The following PRR16 variants were observed in gnomAD, a reference collection of about 807,000 sequenced individuals.
PRR16 encodes protein Largen.
In PRR16, 6 loss-of-function variants were observed where a neutral mutation model predicts 18.2. That is an observed-to-expected ratio of 0.33 (90% CI 0.18 to 0.65). The LOEUF (loss-of-function observed/expected upper bound fraction) is 0.65, where lower values mean the gene tolerates loss of function less well. Ranked by LOEUF, PRR16 falls within the 30% of genes least tolerant of loss-of-function variation. The probability of loss-of-function intolerance (pLI) is 0.74; values close to 1 mark genes in which losing one functional copy is unlikely to be tolerated. For missense variants in PRR16, 412 were observed against 376.6 expected (o/e 1.09, Z -0.78); for synonymous variants, 151 against 147.8 (o/e 1.02, Z -0.16).
rs140073641 is a variant in PRR16 at position 120,518,376 on chromosome 5, T to A, written c.159+53731T>A. ...TCTGTAGGAGACAAATTATGATAACTGTGGGGTCCTTGAGAGGGAATTCTT... is the reference window on the plus strand; with the variant it reads ...TCTGTAGGAGACAAATTATGATAACAGTGGGGTCCTTGAGAGGGAATTCTT... On this transcript the variant is annotated intron_variant, in intron 1 of 1. Transcript: ENST00000407149. 5.9e-3 allele frequency among the ~76,000 whole-genome samples: 905 copies of A among 152,238 alleles called. 12 individuals carry two copies. The highest frequency in any genetic ancestry group is 0.02 in the African/African-American group (818 of 41,562).
At chr5:120,529,362 G>T (rs1054956297) in intron 1 of PRR16, among the ~76,000 whole-genome samples, 1 of 152,056 alleles carries the variant, frequency 6.6e-6, no homozygotes, top group Non-Finnish European at 1.5e-5. Flanking sequence ...TTCTGATAGT[G>T]TTCAACAATG....
chr5:120,564,078 A>G (rs570932895), intron 1 of PRR16, among the ~76,000 whole-genome samples: 2 of 150,104 alleles, frequency 1.3e-5, no homozygotes, highest in South Asian at 4.3e-4. Context: ...GAGCCCTACG[A>G]CTCTGTTTAG....
chr5:120,757,777 T>G, the PRR16 span, among the ~76,000 whole-genome samples: 1 of 151,962 alleles, frequency 6.6e-6, no homozygotes, highest in Non-Finnish European at 1.5e-5. Flanking sequence ...TATAAATCTC[T>G]TACTGCTTTT....
At chr5:120,792,930 A>T in the PRR16 span, among the ~76,000 whole-genome samples, 1 of 149,012 alleles carries the variant, frequency 6.7e-6, no homozygotes, top group Non-Finnish European at 1.5e-5. Context: ...GGCCAGGGGG[A>T]TCACTTGAGC....
At chr5:120,519,495 G>C (rs1310267549) in intron 1 of PRR16, among the ~76,000 whole-genome samples, 4 of 152,064 alleles carry the variant, frequency 2.6e-5, no homozygotes, top group African/African-American at 9.7e-5. Flanking sequence ...ATAAGTAATT[G>C]TTTTTCTATC....
At chr5:120,632,375 C>T (rs759394166) in intron 1 of PRR16, among the ~76,000 whole-genome samples, 2 of 152,062 alleles carry the variant, frequency 1.3e-5, no homozygotes, top group African/African-American at 2.4e-5. Flanking sequence ...CAAGCCAAGA[C>T]AAAAACCTCT....
chr5:120,556,020 G>A (rs948535692), intron 1 of PRR16, among the ~76,000 whole-genome samples: 9 of 151,478 alleles, frequency 5.9e-5, no homozygotes, highest in African/African-American at 2.2e-4. Flanking sequence ...CTTTTCACCT[G>A]TACCATACTG....
chr5:120,717,883 T>C, the PRR16 span, among the ~76,000 whole-genome samples: 1 of 152,186 alleles, frequency 6.6e-6, no homozygotes, highest in East Asian at 1.9e-4. Flanking sequence ...TAAATAGAAA[T>C]ACTTAGTGAG....
chr5:120,754,193 A>AATATAAATATATAAGATCTAC, the PRR16 span, among the ~76,000 whole-genome samples: 1 of 103,970 alleles, frequency 9.6e-6, no homozygotes, highest in Non-Finnish European at 1.8e-5. Flanking sequence ...ATAATATATA[A>AATATAAATATATAAGATCTAC]TTATATATTA....
chr5:120,662,831 G>A, intron 1 of PRR16, among the ~76,000 whole-genome samples: 1 of 152,092 alleles, frequency 6.6e-6, no homozygotes, highest in Non-Finnish European at 1.5e-5. Context: ...ATAGCTTGAA[G>A]GCCTGGGGAC....
chr5:120,709,465 C>T, the PRR16 span, among the ~76,000 whole-genome samples: 6 of 152,082 alleles, frequency 3.9e-5, no homozygotes, highest in African/African-American at 1.4e-4. Flanking sequence ...CTCATCATCT[C>T]AAATATTTAT....
At chr5:120,667,034 G>T (rs907205858) in intron 1 of PRR16, among the ~76,000 whole-genome samples, 2 of 151,168 alleles carry the variant, frequency 1.3e-5, no homozygotes, top group African/African-American at 4.9e-5. Context: ...AGAAGGAATG[G>T]TACCAGCTCC....
chr5:120,472,917 G>C (rs758545986), intron 1 of PRR16, among the ~76,000 whole-genome samples: 1 of 152,144 alleles, frequency 6.6e-6, no homozygotes, highest in Non-Finnish European at 1.5e-5. Flanking sequence ...TGGACAAAAA[G>C]TTTTCAGAAC....
chr5:120,474,956 A>G (rs1459743495), intron 1 of PRR16, among the ~76,000 whole-genome samples: 1 of 152,112 alleles, frequency 6.6e-6, no homozygotes, highest in Non-Finnish European at 1.5e-5. Context: ...TGCTTCTGCC[A>G]TTTTCATTTC....
the PRR16 span, among the ~76,000 whole-genome samples, chr5:120,698,066 AAAAC>A: frequency 6.6e-6 from 1 of 152,172 alleles, no homozygotes; most frequent in Non-Finnish European, 1.5e-5. Context: ...TAAGAAAAAT[AAAAC>A]AAAATAGTGT....
chr5:120,775,089 A>ATATTGT, the PRR16 span, among the ~76,000 whole-genome samples: 22 of 152,272 alleles, frequency 1.4e-4, no homozygotes, highest in African/African-American at 4.8e-4. Flanking sequence ...TCCCAATTGA[A>ATATTGT]TCCTTTTTAT....
the PRR16 span, among the ~76,000 whole-genome samples, chr5:120,710,100 T>C: frequency 6.6e-6 from 1 of 152,212 alleles, no homozygotes; most frequent in Non-Finnish European, 1.5e-5. Context: ...CAACAGTGTA[T>C]GAGCTTTCCC....
chr5:120,699,705 A>T, the PRR16 span, among the ~76,000 whole-genome samples: 2 of 152,184 alleles, frequency 1.3e-5, no homozygotes, highest in African/African-American at 4.8e-5. Flanking sequence ...AGGCTAAAAC[A>T]GTAAGGTCAA....
chr5:120,753,234 T>G, the PRR16 span, among the ~76,000 whole-genome samples: 147 of 151,960 alleles, frequency 9.7e-4, 2 homozygotes, highest in Admixed American at 6.6e-4. Context: ...GCGGAGCGAA[T>G]AAGAAATGGC....
Sources: gnomAD v4.1 joint callset for allele counts (sites outside exome capture counted in the v4.1 genomes callset) on GRCh38, gnomAD v4.1.1 for gene constraint, MANE v1.5 for transcripts, NCBI Gene and HGNC (gene_info 2026-07-23, HGNC 2026-07-21) for gene names.